KLF12: variants seen among roughly 807,000 people sequenced by gnomAD.
KLF12 encodes KLF transcription factor 12, also known as Krueppel-like factor 12.
Under a neutral mutation model 37.8 loss-of-function variants are expected in KLF12, and 9 were observed. The observed-to-expected ratio is 0.24, with a 90% CI of 0.14 to 0.42. KLF12 has a LOEUF of 0.42. Among genes scored for constraint, KLF12 ranks in the 10% least tolerant of loss-of-function variants. The pLI, the probability that KLF12 is intolerant of heterozygous loss-of-function variation, is 1.00. For synonymous variants in KLF12, 208 were observed against 202.1 expected (o/e 1.03, Z -0.25); for missense variants, 411 against 516.0 (o/e 0.80, Z 1.97).
intron 3 of KLF12, among the ~76,000 whole-genome samples, chr13:73,923,578 T>A (rs143273490): frequency 2.4e-3 from 365 of 152,292 alleles, no homozygotes; most frequent in Non-Finnish European, 4.0e-3. Context: ...ACTTTTTAAT[T>A]GTTCCATTCC....
At chr13:74,132,311 G>C (rs1217566832) in intron 1 of KLF12, among the ~76,000 whole-genome samples, 1 of 152,132 alleles carries the variant, frequency 6.6e-6, no homozygotes, top group African/African-American at 2.4e-5. Context: ...AGTAAGAAAA[G>C]GGCATGGAGG....
intron 5 of KLF12, among the ~76,000 whole-genome samples, chr13:73,793,848 C>T (rs1005477690): frequency 1.3e-5 from 2 of 152,166 alleles, no homozygotes; most frequent in African/African-American, 2.4e-5. Flanking sequence ...GACACAGTCA[C>T]GGTGCGTCAT....
rs557062890 is a variant in KLF12, at chr13:73,767,640, C to T, written c.807-2640G>A. On this transcript the variant is annotated intron_variant, in intron 5 of 7. Transcript: ENST00000377669. ...GCTATACCATTAGGGCCATGTGTAC[C>T]AACTGTTCTATTTATATACACTTAC... is the stretch of plus-strand genomic sequence containing the variant. Among the ~76,000 whole-genome samples the T allele has an allele frequency of 2.0e-5, 3 of 152,290 alleles. No homozygotes were observed. In the South Asian group the frequency reaches 6.2e-4, roughly 32 times the overall value.
At chr13:73,944,968 CA>C (rs1261867179) in intron 2 of KLF12, among the ~76,000 whole-genome samples, 1 of 151,948 alleles carries the variant, frequency 6.6e-6, no homozygotes, top group East Asian at 1.9e-4. Flanking sequence ...ACAAATCTGA[CA>C]GAACTAAATT....
At chr13:74,195,158 G>A in the KLF12 span, among the ~76,000 whole-genome samples, 3 of 152,082 alleles carry the variant, frequency 2.0e-5, no homozygotes, top group Non-Finnish European at 4.4e-5. Flanking sequence ...TATCTCATAA[G>A]ATTAAATTAA....
At chr13:74,256,688 T>TTGTGTGTGTGTGTGTGTGTG in the KLF12 span, among the ~76,000 whole-genome samples, 1 of 147,904 alleles carries the variant, frequency 6.8e-6, no homozygotes, top group African/African-American at 2.5e-5. Flanking sequence ...TGAGTAGAGC[T>TTGTGTGTGTGTGTGTGTGTG]TGTGTGTGTG....
At chr13:74,043,508 A>G (rs1306448917) in intron 1 of KLF12, among the ~76,000 whole-genome samples, 1 of 152,196 alleles carries the variant, frequency 6.6e-6, no homozygotes, top group Non-Finnish European at 1.5e-5. Context: ...CTGCTTTTGT[A>G]ATGGTTTGAC....
the KLF12 span, among the ~76,000 whole-genome samples, chr13:74,206,539 AC>A: frequency 6.6e-6 from 1 of 151,826 alleles, no homozygotes; most frequent in Non-Finnish European, 1.5e-5. Flanking sequence ...GTTCCCATCC[AC>A]CCCCAGGAAA....
the KLF12 span, among the ~76,000 whole-genome samples, chr13:74,147,980 T>C: frequency 6.6e-6 from 1 of 152,028 alleles, no homozygotes; most frequent in African/African-American, 2.4e-5. Flanking sequence ...GGGATGATCT[T>C]GGCTCACTGC....
At chr13:73,747,989 G>T (rs1368615991) in intron 6 of KLF12, among the ~76,000 whole-genome samples, 1 of 152,172 alleles carries the variant, frequency 6.6e-6, no homozygotes. Context: ...ATTGAAAGGT[G>T]GTTCTAACAA....
the KLF12 span, among the ~76,000 whole-genome samples, chr13:74,155,450 C>T: frequency 1.3e-5 from 2 of 152,018 alleles, no homozygotes; most frequent in Non-Finnish European, 2.9e-5. Context: ...CATCCTCCAC[C>T]TCCCGGGTTC....
intron 2 of KLF12, among the ~76,000 whole-genome samples, chr13:73,971,987 T>C (rs538864181): frequency 6.6e-6 from 1 of 152,312 alleles, no homozygotes; most frequent in African/African-American, 2.4e-5. Context: ...ACTCATCAAA[T>C]CAGACTTTGG....
chr13:74,280,045 G>A, the KLF12 span, among the ~76,000 whole-genome samples: 1 of 152,170 alleles, frequency 6.6e-6, no homozygotes, highest in Non-Finnish European at 1.5e-5. Flanking sequence ...AGCCTCTGTA[G>A]CATATCCTTA....
intron 7 of KLF12, among the ~76,000 whole-genome samples, chr13:73,701,756 TTA>T (rs1874571554): frequency 6.6e-6 from 1 of 152,092 alleles, no homozygotes; most frequent in Admixed American, 6.5e-5. Flanking sequence ...GGTGTATAGC[TTA>T]TTAACTTCTA....
At chr13:74,089,635 GT>G (rs1335192149) in intron 1 of KLF12, among the ~76,000 whole-genome samples, 1 of 151,632 alleles carries the variant, frequency 6.6e-6, no homozygotes, top group Non-Finnish European at 1.5e-5. Context: ...CGCAAGGTTG[GT>G]TTAACATCTG....
At chr13:74,186,005 G>C in the KLF12 span, among the ~76,000 whole-genome samples, 28 of 152,094 alleles carry the variant, frequency 1.8e-4, no homozygotes, top group Admixed American at 1.7e-3. Context: ...TGATGAGCTG[G>C]AATTGTTATG....
At chr13:73,730,184 G>A (rs1209323406) in intron 6 of KLF12, among the ~76,000 whole-genome samples, 11 of 152,218 alleles carry the variant, frequency 7.2e-5, no homozygotes, top group Admixed American at 7.2e-4. Context: ...TCTGTAAAAT[G>A]CTCTTGACTG....
chr13:73,891,165 C>T (rs2139019841), intron 3 of KLF12, among the ~76,000 whole-genome samples: 1 of 152,136 alleles, frequency 6.6e-6, no homozygotes, highest in East Asian at 1.9e-4. Flanking sequence ...AACAGTCTAA[C>T]ATTAGAAGTA....
At chr13:73,746,120 A>C (rs1322989022) in intron 6 of KLF12, among the ~76,000 whole-genome samples, 1 of 152,014 alleles carries the variant, frequency 6.6e-6, no homozygotes, top group Non-Finnish European at 1.5e-5. Flanking sequence ...GTATATGTAC[A>C]TGTGGGCAAA....
Sources: gnomAD v4.1 joint callset for allele counts (sites outside exome capture counted in the v4.1 genomes callset) on GRCh38, gnomAD v4.1.1 for gene constraint, MANE v1.5 for transcripts, NCBI Gene and HGNC (gene_info 2026-07-23, HGNC 2026-07-21) for gene names.